Variants in AFDN observed in about 807,000 individuals in gnomAD.
AFDN encodes afadin, adherens junction formation factor.
A neutral mutation model predicts 216.6 loss-of-function variants in AFDN; 68 were observed. The ratio of observed to expected loss-of-function variants is 0.31; its 90% CI spans 0.26 to 0.38. AFDN has a LOEUF of 0.38. Among genes scored for constraint, AFDN ranks in the 10% least tolerant of loss-of-function variants. The probability of loss-of-function intolerance (pLI) is 1.00; values close to 1 mark genes in which losing one functional copy is unlikely to be tolerated. For missense variants in AFDN, 2,136 were observed against 2,342.0 expected (o/e 0.91, Z 1.82); for synonymous variants, 868 against 853.7 (o/e 1.02, Z -0.29).
At chr6:167,965,526 A>C (rs768169932) in intron 31 of AFDN, among the ~76,000 whole-genome samples, 1 of 152,236 alleles carries the variant, frequency 6.6e-6, no homozygotes, top group South Asian at 2.1e-4. Context: ...CTGAGAATCC[A>C]TTCCATGCTT....
At chr6:167,860,648 G>T (rs890248403) in intron 1 of AFDN, among the ~76,000 whole-genome samples, 1 of 152,194 alleles carries the variant, frequency 6.6e-6, no homozygotes, top group African/African-American at 2.4e-5. Flanking sequence ...CAAGGATGTG[G>T]CTGTCATGTT....
chr6:167,890,263 TGTA>T lies in AFDN; in HGVS notation c.1010-598_1010-596del, dbSNP rs1787399067. 5.9e-5 allele frequency among the ~76,000 whole-genome samples: 9 copies of T among 152,318 alleles called. No individual in the cohort carries two copies. In the South Asian group the frequency reaches 1.9e-3, roughly 32 times the overall value. On this transcript the variant is annotated intron_variant, in intron 7 of 33. Transcript: ENST00000683244. ...CTTGTTTAGTATTTTTTAAAAACAG[TGTA>T]AAGTTAAAATTTTATTAAAGGCAAA...
chr6:167,967,680 G>A (rs1012324691), intron 32 of AFDN, among the ~76,000 whole-genome samples: 2 of 151,914 alleles, frequency 1.3e-5, no homozygotes, highest in Non-Finnish European at 2.9e-5. Flanking sequence ...TTATTTTACC[G>A]CACACATGAA....
intron 10 of AFDN, among the ~76,000 whole-genome samples, chr6:167,897,923 C>T (rs139419237): frequency 0.022 from 3,359 of 152,094 alleles, 60 homozygotes; most frequent in Non-Finnish European, 0.033. Flanking sequence ...GGATTACAGG[C>T]GTGAGCCACC....
chr6:167,880,267 A>G, intron 5 of AFDN, 93 bp from the exon 6 acceptor site: 2 of 1,126,404 alleles, frequency 1.8e-6, no homozygotes, highest in South Asian at 2.8e-5. Flanking sequence ...GCTAGAATGC[A>G]GGTACCTTTT....
chr6:167,853,829 G>A (rs1782586864), intron 1 of AFDN, among the ~76,000 whole-genome samples: 1 of 151,972 alleles, frequency 6.6e-6, no homozygotes, highest in Non-Finnish European at 1.5e-5. Context: ...AACTCTTAAT[G>A]GCACCGTTTT....
At chr6:167,903,936 C>T (rs1372744496) in intron 12 of AFDN, among the ~76,000 whole-genome samples, 1 of 152,200 alleles carries the variant, frequency 6.6e-6, no homozygotes, top group Non-Finnish European at 1.5e-5. Flanking sequence ...ACTTGATGCA[C>T]TTTCTTCTGT....
At chr6:167,905,445 A>G (rs904855820) in intron 12 of AFDN, among the ~76,000 whole-genome samples, 20 of 152,214 alleles carry the variant, frequency 1.3e-4, no homozygotes, top group Non-Finnish European at 2.6e-4. Flanking sequence ...GACTTGGTAA[A>G]TAGAGGAAAA....
intron 1 of AFDN, among the ~76,000 whole-genome samples, chr6:167,849,946 C>T (rs1039485028): frequency 1.3e-5 from 2 of 152,120 alleles, no homozygotes; most frequent in Admixed American, 6.6e-5. Flanking sequence ...TTCAGAAGTC[C>T]GTGTGCTGAT....
At chr6:167,860,159 CTTTTTTTTTT>C (rs370176215) in intron 1 of AFDN, among the ~76,000 whole-genome samples, 24 of 79,404 alleles carry the variant, frequency 3.0e-4, no homozygotes, top group Middle Eastern at 0.015. Flanking sequence ...TACAGCAATG[CTTTTTTTTTT>C]TTTTTTTTTT....
rs570547334 is a variant in AFDN, at chr6:167,918,761, G to T, written c.2736G>T (p.Val912=). ...ATCTTATAGAAAATGTAGTGACTGT[G>T]GCTGAAAACACTGCCGATGAGCTGG... The part of the protein sequence containing the change: ...PTDLIENVVT[V]AENTADELAR... Residue 912 remains valine (V), a synonymous_variant, in exon 21 of 34, where the codon GTG becomes GTT. Transcript: ENST00000683244. 6.2e-7 allele frequency: 1 copy of T among 1,614,168 alleles called. No individual in the cohort carries two copies. Among genetic ancestry groups the T allele is most frequent in the South Asian group, 1.1e-5 (1 of 91,082 alleles).
At chr6:167,934,127 G>T (rs1029203955) in intron 23 of AFDN, among the ~76,000 whole-genome samples, 1 of 152,222 alleles carries the variant, frequency 6.6e-6, no homozygotes, top group African/African-American at 2.4e-5. Flanking sequence ...GTCGCGTGCG[G>T]TCTTTGGGGG....
rs117071911 is a variant in AFDN, at chr6:167,950,514, T to C, written c.3832-672T>C. 2.0e-4 allele frequency among the ~76,000 whole-genome samples: 31 copies of C among 152,248 alleles called. 1 individual carries two copies. In the East Asian group the frequency reaches 6.0e-3, roughly 29 times the overall value. On this transcript the variant is annotated intron_variant, in intron 29 of 33. Coordinates refer to ENST00000683244, the MANE Select transcript of AFDN (RefSeq NM_001386888.1). ...AGCAATACATTTTGGACCTTTCTGG[T>C]ATTGGAGCGGACGTATCGCAGATGT...
chr6:167,835,025 G>C lies in AFDN; in HGVS notation c.105+7788G>C, dbSNP rs1262104281. On this transcript the variant is annotated intron_variant, in intron 1 of 33. Transcript: ENST00000683244. ...ATTTGTCTGCCTTGCACTTTGAATG[G>C]TTCTTTTACTCACGTGTGATTTTCT... Among the ~76,000 whole-genome samples the C allele has an allele frequency of 2.0e-5, 3 of 152,102 alleles. No individual in the cohort carries two copies. In the East Asian group the frequency reaches 5.8e-4, roughly 29 times the overall value.
intron 15 of AFDN, among the ~76,000 whole-genome samples, 184 bp from the exon 16 acceptor site, chr6:167,913,219 C>T (rs111510112): frequency 0.014 from 2,063 of 152,192 alleles, 29 homozygotes; most frequent in Non-Finnish European, 0.019. Context: ...TCCTTTAGGT[C>T]GTATACTTCT....
At position 167,914,284 on chromosome 6, in the gene AFDN, T is replaced by C. The variant is rs1223497906; in HGVS notation, c.2175T>C (p.Val725=). Residue 725 remains valine, a synonymous_variant, in exon 17 of 34, where the codon GTT becomes GTC. Transcript: ENST00000683244. ...GGATCACACTGGATGCTCAAGATGT[T>C]TTAGCACATTTGGTTCAAATGGCAT... is the stretch of plus-strand genomic sequence containing the variant. ...LSRITLDAQD[V]LAHLVQMAFK... The C allele has an allele frequency of 6.2e-7, 1 of 1,613,984 alleles. No individual in the cohort carries two copies. Among genetic ancestry groups the C allele is most frequent in the Non-Finnish European group, 8.5e-7 (1 of 1,179,952 alleles).
intron 23 of AFDN, among the ~76,000 whole-genome samples, chr6:167,934,105 A>C (rs1793671574): frequency 6.6e-6 from 1 of 152,220 alleles, no homozygotes; most frequent in Admixed American, 6.5e-5. Context: ...TGAAATTCAC[A>C]CACCTGCAAA....
chr6:167,925,084 C>T lies in AFDN; in HGVS notation c.3092C>T (p.Ala1031Val). ...AATGGAATGGGCCTTAGCATTGTTG[C>T]AGCAAAGGTAGGCCAATTAGTCACG... ...KQNGMGLSIV[A>V]AKGAGQDKLG... The change falls in exon 23 of 34, where the codon GCA (alanine) becomes GTA (valine). Residue 1031 changes from alanine (A) to valine (V), a missense_variant. By Grantham distance (64) the Ala-to-Val change is moderately conservative. Coordinates refer to ENST00000683244, the MANE Select transcript of AFDN (RefSeq NM_001386888.1). The T allele has an allele frequency of 6.2e-7, 1 of 1,611,364 alleles. No individual in the cohort carries two copies. Among genetic ancestry groups the T allele is most frequent in the Non-Finnish European group, 8.5e-7 (1 of 1,177,484 alleles).
intron 21 of AFDN, among the ~76,000 whole-genome samples, chr6:167,919,187 C>T (rs1458525085): frequency 6.6e-6 from 1 of 152,248 alleles, no homozygotes; most frequent in Non-Finnish European, 1.5e-5. Context: ...GTCATGGTTA[C>T]ATTTTCTGCC....
Sources: gnomAD v4.1 joint callset for allele counts (sites outside exome capture counted in the v4.1 genomes callset) on GRCh38, gnomAD v4.1.1 for gene constraint, MANE v1.5 for transcripts, NCBI Gene and HGNC (gene_info 2026-07-23, HGNC 2026-07-21) for gene names.